The following PRKD1 variants were observed in gnomAD, a reference collection of about 807,000 sequenced individuals.
PRKD1 encodes serine/threonine-protein kinase D1.
In PRKD1, 63 loss-of-function variants were observed where a neutral mutation model predicts 95.9. That is an observed-to-expected ratio of 0.66 (90% CI 0.54 to 0.81). The LOEUF is 0.81. Among genes scored for constraint, PRKD1 ranks in the 30% least tolerant of loss-of-function variants. The probability of loss-of-function intolerance (pLI) is 0.00; values close to 1 mark genes in which losing one functional copy is unlikely to be tolerated. For missense variants in PRKD1, 1,048 were observed against 1,165.3 expected (o/e 0.90, Z 1.47); for synonymous variants, 425 against 423.1 (o/e 1.00, Z -0.05).
chr14:29,849,710 C>T (rs376626794), intron 1 of PRKD1, among the ~76,000 whole-genome samples: 6 of 151,784 alleles, frequency 4.0e-5, no homozygotes, highest in Non-Finnish European at 8.8e-5. Context: ...GAACTCTATC[C>T]TAACTCATTC....
intron 1 of PRKD1, among the ~76,000 whole-genome samples, chr14:29,735,608 T>C (rs931378699): frequency 2.0e-5 from 3 of 152,222 alleles, no homozygotes; most frequent in African/African-American, 7.2e-5. Context: ...GTCAATTTGC[T>C]TGTGTGATGC....
Position 29,597,775 on chromosome 14 carries a change from T to G in PRKD1, c.2167-17A>C. ...AAGTTTCACCTGTTGATGAAAGGAT[T>G]TGCAGAAATACTCCGTTCACAATTG... is the stretch of plus-strand genomic sequence containing the variant. On this transcript the variant is annotated splice_polypyrimidine_tract_variant and intron_variant, in intron 15 of 17. Coordinates refer to ENST00000331968, the MANE Select transcript of PRKD1 (RefSeq NM_002742.3). The G allele has an allele frequency of 1.2e-6, 2 of 1,601,582 alleles. No individual in the cohort carries two copies. Among genetic ancestry groups the G allele is most frequent in the Non-Finnish European group, 1.7e-6 (2 of 1,173,286 alleles).
At chr14:29,693,831 T>C (rs946620018) in intron 2 of PRKD1, among the ~76,000 whole-genome samples, 5 of 152,186 alleles carry the variant, frequency 3.3e-5, no homozygotes, top group African/African-American at 1.2e-4. Context: ...GATGGTTTCC[T>C]GCAATAGGCA....
intron 1 of PRKD1, among the ~76,000 whole-genome samples, chr14:29,896,365 T>TATGTAC (rs1555354751): frequency 6.8e-6 from 1 of 147,946 alleles, no homozygotes; most frequent in East Asian, 2.0e-4. Flanking sequence ...CATGTGTGTG[T>TATGTAC]ACACACACAC....
rs114446602 is a variant in PRKD1 at position 29,645,255 on chromosome 14, T to C, written c.697-6351A>G. 4.6e-3 allele frequency among the ~76,000 whole-genome samples: 704 copies of C among 152,290 alleles called. 11 individuals carry two copies. Among genetic ancestry groups the C allele is most frequent in the African/African-American group, 0.016 (655 of 41,578 alleles). On this transcript the variant is annotated intron_variant, in intron 4 of 17. Transcript: ENST00000331968. ...GCCAAAAATGATATGCAGGATATCATGAACCCCTTAACCTTGACCTACAGA... is the reference window on the plus strand; with the variant it reads ...GCCAAAAATGATATGCAGGATATCACGAACCCCTTAACCTTGACCTACAGA...
chr14:29,704,849 T>C (rs1435533197), intron 2 of PRKD1, among the ~76,000 whole-genome samples: 1 of 152,304 alleles, frequency 6.6e-6, no homozygotes, highest in African/African-American at 2.4e-5. Context: ...AACAGACGCA[T>C]GTATCTAGAA....
Position 29,632,964 on chromosome 14 carries a change from T to C in PRKD1, c.1315-18A>G. On this transcript the variant is annotated intron_variant, in intron 8 of 17. Coordinates refer to ENST00000331968, the MANE Select transcript of PRKD1 (RefSeq NM_002742.3). The stretch of plus-strand genomic sequence containing the variant: ...CGTTTCCGCTGAAACAGAAGTTAGA[T>C]CCAAGATCTTTTTAAAAAACTTTAA... 6.2e-7 allele frequency: 1 copy of C among 1,600,294 alleles called. No homozygotes were observed. Among genetic ancestry groups the C allele is most frequent in the Non-Finnish European group, 8.6e-7 (1 of 1,167,772 alleles).
chr14:29,613,462 C>T (rs1878624391), intron 13 of PRKD1, among the ~76,000 whole-genome samples: 1 of 152,132 alleles, frequency 6.6e-6, no homozygotes, highest in South Asian at 2.1e-4. Flanking sequence ...GTAAGAAATG[C>T]TTTATTCCCT....
chr14:29,903,928 T>C (rs1453035782), intron 1 of PRKD1, among the ~76,000 whole-genome samples: 1 of 152,154 alleles, frequency 6.6e-6, no homozygotes, highest in Non-Finnish European at 1.5e-5. Flanking sequence ...ATATTTTATA[T>C]ATAATTACAT....
chr14:29,875,101 A>G (rs942543185), intron 1 of PRKD1, among the ~76,000 whole-genome samples: 2 of 152,212 alleles, frequency 1.3e-5, no homozygotes, highest in African/African-American at 4.8e-5. Context: ...AAATATATTA[A>G]TTCTTTATAC....
At chr14:29,893,761 T>C (rs571547488) in intron 1 of PRKD1, among the ~76,000 whole-genome samples, 1 of 152,272 alleles carries the variant, frequency 6.6e-6, no homozygotes, top group East Asian at 1.9e-4. Context: ...CCAGTGCTAG[T>C]TCTAATTTTC....
intron 1 of PRKD1, among the ~76,000 whole-genome samples, chr14:29,816,975 C>T (rs1287565053): frequency 6.6e-6 from 1 of 152,080 alleles, no homozygotes; most frequent in Non-Finnish European, 1.5e-5. Context: ...ATTTTAAATA[C>T]ATTTAGATAA....
At chr14:29,620,424 C>A (rs1300062272) in intron 13 of PRKD1, among the ~76,000 whole-genome samples, 1 of 149,412 alleles carries the variant, frequency 6.7e-6, no homozygotes, top group Non-Finnish European at 1.5e-5. Context: ...GCAACCTATT[C>A]ATCTGACAAA....
intron 1 of PRKD1, among the ~76,000 whole-genome samples, chr14:29,840,924 G>A (rs10148358): frequency 0.12 from 18,571 of 152,198 alleles, 1,244 homozygotes; most frequent in East Asian, 0.25. Context: ...CAGCCAAACC[G>A]TATCAGGGGT....
At chr14:29,743,622 T>C (rs1887082279) in intron 1 of PRKD1, among the ~76,000 whole-genome samples, 1 of 152,184 alleles carries the variant, frequency 6.6e-6, no homozygotes, top group Admixed American at 6.5e-5. Flanking sequence ...TCAAGATATA[T>C]TGCACTTCAG....
At chr14:29,642,601 A>G (rs1267857147) in intron 4 of PRKD1, among the ~76,000 whole-genome samples, 5 of 152,194 alleles carry the variant, frequency 3.3e-5, no homozygotes, top group Admixed American at 6.5e-5. Context: ...TTATATATCA[A>G]GTTTATAAGT....
intron 2 of PRKD1, among the ~76,000 whole-genome samples, chr14:29,717,385 T>C (rs1342047412): frequency 6.6e-6 from 1 of 152,144 alleles, no homozygotes; most frequent in Non-Finnish European, 1.5e-5. Flanking sequence ...ATATTGGAGA[T>C]ACTGTTAATG....
chr14:29,878,730 T>C (rs1208971321), intron 1 of PRKD1, among the ~76,000 whole-genome samples: 3 of 152,100 alleles, frequency 2.0e-5, no homozygotes, highest in East Asian at 3.9e-4. Context: ...AGAAAGAAGG[T>C]TAGAGGTTGC....
At chr14:29,713,171 A>T (rs1885415754) in intron 2 of PRKD1, among the ~76,000 whole-genome samples, 1 of 152,062 alleles carries the variant, frequency 6.6e-6, no homozygotes, top group Non-Finnish European at 1.5e-5. Context: ...ATTTGTTATG[A>T]TTTTTCATCA....
Sources: gnomAD v4.1 joint callset for allele counts (sites outside exome capture counted in the v4.1 genomes callset) on GRCh38, gnomAD v4.1.1 for gene constraint, MANE v1.5 for transcripts, NCBI Gene and HGNC (gene_info 2026-07-23, HGNC 2026-07-21) for gene names.